Variants in SERTAD1 observed in about 807,000 individuals in gnomAD.
The protein encoded by SERTAD1 is SERTA domain containing 1, also known as SERTA domain-containing protein 1.
SERTAD1 carries 5 observed loss-of-function variants against 11.7 expected under a neutral mutation model. The ratio of observed to expected loss-of-function variants is 0.43; its 90% CI spans 0.22 to 0.90. SERTAD1 has a LOEUF of 0.90. Ranked by LOEUF, SERTAD1 falls within the 40% of genes least tolerant of loss-of-function variation. The pLI is 0.27. For synonymous variants in SERTAD1, 139 were observed against 141.4 expected (o/e 0.98, Z 0.12); for missense variants, 287 against 313.9 (o/e 0.91, Z 0.65).
intron 1 of SERTAD1, among the ~76,000 whole-genome samples, chr19:40,423,846 C>G (rs2079607437): frequency 6.6e-6 from 1 of 151,994 alleles, no homozygotes; most frequent in South Asian, 2.1e-4. Flanking sequence ...CGTGCCTCAG[C>G]CTCCCCAAAA....
intron 1 of SERTAD1, among the ~76,000 whole-genome samples, chr19:40,425,188 A>G (rs1163853144): frequency 6.6e-6 from 1 of 152,070 alleles, no homozygotes; most frequent in Non-Finnish European, 1.5e-5. Context: ...AGTCACTGAG[A>G]TAAGTTTGAG....
Position 40,423,345 on chromosome 19 carries a change from C to T in SERTAD1, c.202G>A (p.Val68Met), listed in dbSNP as rs1452785831. 1 of 1,613,180 alleles carries T rather than the reference C, an allele frequency of 6.2e-7. No homozygotes were observed. Among genetic ancestry groups the T allele is most frequent in the Admixed American group, 1.7e-5 (1 of 59,946 alleles). The change falls in exon 2 of 2, where the codon GTG (valine) becomes ATG (methionine). Residue 68 changes from valine to methionine, a missense_variant. Physicochemically the swap from Val to Met is conservative, Grantham distance 21. Coordinates refer to ENST00000357949, the MANE Select transcript of SERTAD1 (RefSeq NM_013376.4). ...QQSEPDLRHLVLVVNTLRRIQ... is the reference protein window; with the variant it reads ...QQSEPDLRHLMLVVNTLRRIQ... The stretch of plus-strand genomic sequence containing the variant: ...CGCCGCAGAGTGTTCACGACCAGCA[C>T]CAGGTGCCGCAGGTCCGGCTCACTC...
chr19:40,425,821 CGGCCGCTGG>C (rs1158013238), intron 1 of SERTAD1, 37 bp downstream of exon 1: 5 of 152,366 alleles, frequency 3.3e-5, no homozygotes, highest in Middle Eastern at 3.4e-3. Flanking sequence ...GTGAAGGACC[CGGCCGCTGG>C]TAGCCCTTCT....
chr19:40,423,971 G>A (rs898497517), intron 1 of SERTAD1, among the ~76,000 whole-genome samples: 1 of 151,962 alleles, frequency 6.6e-6, no homozygotes, highest in Non-Finnish European at 1.5e-5. Context: ...CAAGTGATCC[G>A]CCCACCTCTG....
At chr19:40,425,369 C>T (rs1309880010) in intron 1 of SERTAD1, among the ~76,000 whole-genome samples, 1 of 152,254 alleles carries the variant, frequency 6.6e-6, no homozygotes, top group Non-Finnish European at 1.5e-5. Flanking sequence ...CCCTTCCCCG[C>T]AGTCCGGGGA....
At position 40,425,866 on chromosome 19, in the gene SERTAD1, C is replaced by T. The variant is rs1277403725; in HGVS notation, c.-1+1G>A. ...GTTCCCAGGCCCCTTCATTTACATA[C>T]CTTGCTCACTAGCGGCCAATCAGAA... On this transcript the variant is annotated splice_donor_variant, in intron 1 of 1. Transcript: ENST00000357949. LOFTEE classifies it low-confidence loss of function (5UTR_SPLICE). 1 of 152,224 alleles carries T rather than the reference C, an allele frequency of 6.6e-6. No individual in the cohort carries two copies. Among genetic ancestry groups the T allele is most frequent in the African/African-American group, 2.4e-5 (1 of 41,456 alleles). The allele number at this position is 152,224 out of a possible 1,614,324, so 9.4% of individuals were successfully genotyped here. A position where few individuals can be genotyped will look rare whatever the true frequency, so the allele number is the denominator to read the frequency against.
At position 40,422,883 on chromosome 19, in the gene SERTAD1, G is replaced by A. The variant is rs552052722; in HGVS notation, c.664C>T (p.Leu222=). ...EAELDYLMDV[L]VGTQALERPP... Reference sequence around the variant, plus strand: ...CGCTCCAGTGCCTGTGTGCCCACCAGCACATCCATGAGGTAGTCCAATTCG... The same window carrying A: ...CGCTCCAGTGCCTGTGTGCCCACCAACACATCCATGAGGTAGTCCAATTCG... Residue 222 remains leucine, a synonymous_variant, in exon 2 of 2, where the codon CTG becomes TTG. Coordinates refer to ENST00000357949, the MANE Select transcript of SERTAD1 (RefSeq NM_013376.4). 1.1e-4 allele frequency: 182 copies of A among 1,612,718 alleles called. 2 individuals carry two copies. The South Asian group carries it at 1.8e-3, about 16-fold the overall frequency.
rs765361452 is a variant in SERTAD1, at chr19:40,422,839, G to A, written c.708C>T (p.Arg236=). Residue 236 remains arginine, a synonymous_variant, in exon 2 of 2, where the codon CGC becomes CGT. Coordinates refer to ENST00000357949, the MANE Select transcript of SERTAD1 (RefSeq NM_013376.4). ...ACAACCATTCCAGCACGAGGGCTCA[G>A]CGCCCTGGCCCCGGCGGTCGCTCCA... ...QALERPPGPG[R] The A allele has an allele frequency of 9.4e-6, 15 of 1,594,644 alleles. No individual in the cohort carries two copies. Among genetic ancestry groups the A allele is most frequent in the Non-Finnish European group, 1.2e-5 (14 of 1,168,932 alleles).
chr19:40,425,476 T>C (rs546009174), intron 1 of SERTAD1, among the ~76,000 whole-genome samples: 2 of 152,164 alleles, frequency 1.3e-5, no homozygotes, highest in South Asian at 4.2e-4. Flanking sequence ...CCGGGGATTC[T>C]GGCCCCTCTG....
In SERTAD1 at chr19:40,423,558, A is replaced by T; in HGVS notation, c.1-12T>A. On this transcript the variant is annotated splice_polypyrimidine_tract_variant and intron_variant, in intron 1 of 1. Transcript: ENST00000357949. ...CCCTTGCTCAGCATCTGCAGAGGGC[A>T]GGGAGTTATGGAGTTATAGTCAGTT... 2 of 1,507,854 alleles carry T rather than the reference A, an allele frequency of 1.3e-6. No homozygotes were observed. Among genetic ancestry groups the T allele is most frequent in the Non-Finnish European group, 1.8e-6 (2 of 1,102,594 alleles). The allele number at this position is 1,507,854 out of a possible 1,614,324, so 93.4% of individuals were successfully genotyped here. A position where few individuals can be genotyped will look rare whatever the true frequency, so the allele number is the denominator to read the frequency against.
At chr19:40,425,542 C>A (rs1046746545) in intron 1 of SERTAD1, among the ~76,000 whole-genome samples, 2 of 152,180 alleles carry the variant, frequency 1.3e-5, no homozygotes, top group African/African-American at 4.8e-5. Context: ...GCCGGCCTCC[C>A]GGCGCCGTGC....
Position 40,423,535 on chromosome 19 carries a change from C to A in SERTAD1, c.12G>T (p.Lys4Asn). Residue 4 changes from lysine (K) to asparagine (N), a missense_variant, in exon 2 of 2, where the codon AAG (lysine) becomes AAT (asparagine). Physicochemically the swap from Lys to Asn is moderately conservative, Grantham distance 94. Coordinates refer to ENST00000357949, the MANE Select transcript of SERTAD1 (RefSeq NM_013376.4). ...CCTCCTCCCGTTTCCGCTTCAGACC[C>A]TTGCTCAGCATCTGCAGAGGGCAGG... MLS[K>N]GLKRKREEEE... 6.3e-7 allele frequency: 1 copy of A among 1,592,992 alleles called. No individual in the cohort carries two copies. The highest frequency in any genetic ancestry group is 8.6e-7 in the Non-Finnish European group (1 of 1,167,598).
chr19:40,422,700 G>A lies in SERTAD1; in HGVS notation c.*136C>T. ...AGGAGGACGGATGTGAAGTTGCCCA[G>A]GACTAGATTCTGTCTCTCCAAAGTG... On this transcript the variant is annotated 3_prime_UTR_variant, in exon 2 of 2. Coordinates refer to ENST00000357949, the MANE Select transcript of SERTAD1 (RefSeq NM_013376.4). The A allele has an allele frequency of 3.1e-6, 3 of 973,568 alleles. No homozygotes were observed. Among genetic ancestry groups the A allele is most frequent in the South Asian group, 3.5e-5 (2 of 56,634 alleles). 60.3% of individuals were successfully genotyped at this position (973,568 alleles called of 1,614,324 possible).
chr19:40,425,392 A>G (rs555744508), intron 1 of SERTAD1, among the ~76,000 whole-genome samples: 1 of 152,170 alleles, frequency 6.6e-6, no homozygotes, highest in African/African-American at 2.4e-5. Flanking sequence ...CCGGAACCGC[A>G]GGAATTCCGC....
chr19:40,424,206 G>T (rs2079608800), intron 1 of SERTAD1, among the ~76,000 whole-genome samples: 1 of 150,626 alleles, frequency 6.6e-6, no homozygotes, highest in Admixed American at 6.6e-5. Flanking sequence ...TTTTTGTAGA[G>T]ACATGGTCTC....
Position 40,422,880 on chromosome 19 carries a change from C to T in SERTAD1, c.667G>A (p.Val223Met), listed in dbSNP as rs2079603063. The part of the protein sequence containing the change: ...AELDYLMDVL[V>M]GTQALERPPG... ...GGTCGCTCCAGTGCCTGTGTGCCCA[C>T]CAGCACATCCATGAGGTAGTCCAAT... Residue 223 changes from valine to methionine, a missense_variant, in exon 2 of 2, where the codon GTG (valine) becomes ATG (methionine). By Grantham distance (21) the Val-to-Met change is conservative. Transcript: ENST00000357949. 6.2e-7 allele frequency: 1 copy of T among 1,612,464 alleles called. No homozygotes were observed. Among genetic ancestry groups the T allele is most frequent in the Admixed American group, 1.7e-5 (1 of 59,888 alleles).
Position 40,422,542 on chromosome 19 carries a change from T to C in SERTAD1, c.*294A>G, listed in dbSNP as rs149466244. 1.2e-4 allele frequency: 44 copies of C among 379,928 alleles called. No individual in the cohort carries two copies. In the East Asian group the frequency reaches 1.4e-3, roughly 12 times the overall value. The allele number at this position is 379,928 out of a possible 1,614,324, so 23.5% of individuals were successfully genotyped here. On this transcript the variant is annotated 3_prime_UTR_variant, in exon 2 of 2. Transcript: ENST00000357949. ...ACTGGCTTTAATTTGAAAAATCTGA[T>C]TGGGGTCTCTTCCCGTATCAGAGAA...
chr19:40,425,372 T>C (rs898192668), intron 1 of SERTAD1, among the ~76,000 whole-genome samples: 1 of 152,206 alleles, frequency 6.6e-6, no homozygotes, highest in Admixed American at 6.5e-5. Context: ...TTCCCCGCAG[T>C]CCGGGGAGTC....
chr19:40,424,511 G>T (rs2079609586), intron 1 of SERTAD1, among the ~76,000 whole-genome samples: 1 of 152,066 alleles, frequency 6.6e-6, no homozygotes, highest in South Asian at 2.1e-4. Context: ...TGTCTACTAT[G>T]ACTATGTTTC....
Sources: gnomAD v4.1 joint callset for allele counts (sites outside exome capture counted in the v4.1 genomes callset) on GRCh38, gnomAD v4.1.1 for gene constraint, MANE v1.5 for transcripts, NCBI Gene and HGNC (gene_info 2026-07-23, HGNC 2026-07-21) for gene names.